Variants in CSGALNACT1 observed in about 807,000 individuals in gnomAD.
CSGALNACT1 encodes beta4GalNAcT-1.
In CSGALNACT1, 52 loss-of-function variants were observed where a neutral mutation model predicts 51.0. That is an observed-to-expected ratio of 1.02 (90% confidence interval 0.82 to 1.29). CSGALNACT1 has a LOEUF of 1.29. CSGALNACT1 is among the 50% of genes most tolerant of loss of function. CSGALNACT1 has a pLI of 0.00. For synonymous variants in CSGALNACT1, 341 were observed against 254.4 expected (o/e 1.34, Z -3.24); for missense variants, 935 against 679.2 (o/e 1.38, Z -4.19).
At chr8:19,487,114 T>G (rs76887039) in intron 4 of CSGALNACT1, among the ~76,000 whole-genome samples, 19,838 of 152,224 alleles carry the variant, frequency 0.13, 1,341 homozygotes, top group Middle Eastern at 0.21. Context: ...ATTGCCTCAA[T>G]TTTTTCTCAA....
Position 19,513,625 on chromosome 8 carries a change from A to G in CSGALNACT1, c.-296-7495T>C, listed in dbSNP as rs910215711. On this transcript the variant is annotated intron_variant, in intron 3 of 9. Coordinates refer to ENST00000454498, the Ensembl canonical transcript of CSGALNACT1. The stretch of plus-strand genomic sequence containing the variant: ...GAAAGAAAAATGTTCTGAGAGATGC[A>G]TCATCAGGCAATTTTGTTGTTGTGT... Among the ~76,000 whole-genome samples the G allele has an allele frequency of 2.6e-5, 4 of 151,964 alleles. No individual in the cohort carries two copies. The South Asian group carries it at 6.2e-4, about 24-fold the overall frequency.
intron 1 of CSGALNACT1, among the ~76,000 whole-genome samples, chr8:19,694,730 AG>A (rs2061501187): frequency 6.6e-6 from 1 of 152,244 alleles, no homozygotes; most frequent in Admixed American, 6.5e-5. Flanking sequence ...GCCCTTCTTT[AG>A]TTGCTCAGCT....
At chr8:19,548,916 T>C (rs2087191630) in intron 3 of CSGALNACT1, among the ~76,000 whole-genome samples, 1 of 152,180 alleles carries the variant, frequency 6.6e-6, no homozygotes, top group South Asian at 2.1e-4. Flanking sequence ...CCTCCCAGGC[T>C]CAAACGATCC....
chr8:19,746,057 G>A (rs1426679660), intron 1 of CSGALNACT1, among the ~76,000 whole-genome samples: 1 of 152,080 alleles, frequency 6.6e-6, no homozygotes, highest in Non-Finnish European at 1.5e-5. Flanking sequence ...TTGGTTTTCT[G>A]AGAAAGGAAC....
chr8:19,625,437 A>G (rs1048879963), intron 1 of CSGALNACT1, among the ~76,000 whole-genome samples: 4 of 152,228 alleles, frequency 2.6e-5, no homozygotes, highest in Admixed American at 1.3e-4. Context: ...TTAAAAAGTC[A>G]GGAGTTGACT....
chr8:19,474,522 T>G (rs973862729), intron 4 of CSGALNACT1, among the ~76,000 whole-genome samples: 5 of 152,124 alleles, frequency 3.3e-5, no homozygotes, highest in Admixed American at 3.3e-4. Context: ...TGGAGAGATA[T>G]GCTTCGGCTG....
chr8:19,405,758 C>T, exon 10 of CSGALNACT1: 1 of 1,614,022 alleles, frequency 6.2e-7, no homozygotes, highest in Non-Finnish European at 8.5e-7. Flanking sequence ...AAAAGTGTCT[C>T]CCACAATCCT....
intron 1 of CSGALNACT1, among the ~76,000 whole-genome samples, chr8:19,645,551 T>A (rs536692666): frequency 3.3e-5 from 5 of 152,182 alleles, no homozygotes; most frequent in Admixed American, 6.5e-5. Context: ...CAAACACAGA[T>A]AACAAGGAAC....
chr8:19,655,176 A>T (rs1326806446), intron 1 of CSGALNACT1, among the ~76,000 whole-genome samples: 1 of 152,128 alleles, frequency 6.6e-6, no homozygotes, highest in Non-Finnish European at 1.5e-5. Flanking sequence ...TCTGTAGAAG[A>T]CATCTCTGAC....
chr8:19,530,334 ACACACG>A (rs1304275738), intron 3 of CSGALNACT1, among the ~76,000 whole-genome samples: 40 of 150,298 alleles, frequency 2.7e-4, no homozygotes, highest in South Asian at 1.3e-3. Flanking sequence ...ACACACACAC[ACACACG>A]CACACAAGTA....
At position 19,505,967 on chromosome 8, in the gene CSGALNACT1, T is replaced by C; in HGVS notation, c.-133A>G. 1.0e-6 allele frequency: 1 copy of C among 990,422 alleles called. No individual in the cohort carries two copies. Among genetic ancestry groups the C allele is most frequent in the Non-Finnish European group, 1.5e-6 (1 of 647,240 alleles). 61.4% of individuals were successfully genotyped at this position (990,422 alleles called of 1,614,324 possible). A position where few individuals can be genotyped will look rare whatever the true frequency, so the allele number is the denominator to read the frequency against. ...GGAGCTGCTTGCATCCATTTCCTTCTAGAACGAGTTCTGCCTCTTGGAGTT... is the reference window on the plus strand; with the variant it reads ...GGAGCTGCTTGCATCCATTTCCTTCCAGAACGAGTTCTGCCTCTTGGAGTT... On this transcript the variant is annotated 5_prime_UTR_variant, in exon 4 of 10. An upstream open reading frame in the 5' UTR loses its in-frame stop. Coordinates refer to ENST00000454498, the Ensembl canonical transcript of CSGALNACT1.
intron 3 of CSGALNACT1, among the ~76,000 whole-genome samples, chr8:19,541,401 C>A (rs2085094242): frequency 6.6e-6 from 1 of 151,498 alleles, no homozygotes; most frequent in Non-Finnish European, 1.5e-5. Context: ...CAGGCACTTG[C>A]CACCACACCC....
chr8:19,513,327 A>G lies in CSGALNACT1; in HGVS notation c.-296-7197T>C, dbSNP rs1478148334. On this transcript the variant is annotated intron_variant, in intron 3 of 9. Coordinates refer to ENST00000454498, the Ensembl canonical transcript of CSGALNACT1. ...AATACCGCAAAATGTAACGGAAGAC[A>G]CACGAAAGCCACTATAATGATTGAA... is the stretch of plus-strand genomic sequence containing the variant. 4.6e-5 allele frequency among the ~76,000 whole-genome samples: 7 copies of G among 151,714 alleles called. No homozygotes were observed. In the South Asian group the frequency reaches 1.5e-3, roughly 32 times the overall value.
chr8:19,619,639 T>TA (rs766771169), intron 1 of CSGALNACT1, among the ~76,000 whole-genome samples: 29 of 152,130 alleles, frequency 1.9e-4, no homozygotes, highest in Non-Finnish European at 3.2e-4. Flanking sequence ...TCACATAGGG[T>TA]AAGGAAGACG....
intron 1 of CSGALNACT1, among the ~76,000 whole-genome samples, chr8:19,693,620 T>A (rs2061440674): frequency 6.6e-6 from 1 of 152,162 alleles, no homozygotes; most frequent in South Asian, 2.1e-4. Flanking sequence ...TCTCTGGACC[T>A]GTCTACAGGG....
At chr8:19,485,916 G>A (rs868160736) in intron 4 of CSGALNACT1, among the ~76,000 whole-genome samples, 9 of 151,326 alleles carry the variant, frequency 5.9e-5, no homozygotes, top group Non-Finnish European at 1.0e-4. Context: ...ACAGGCACAC[G>A]CCACCACATC....
chr8:19,626,128 G>C (rs950412603), intron 1 of CSGALNACT1, among the ~76,000 whole-genome samples: 2 of 152,060 alleles, frequency 1.3e-5, no homozygotes, highest in African/African-American at 4.8e-5. Flanking sequence ...TTTTGAAAAA[G>C]AAGAATAAAG....
rs1002714977 is a variant in CSGALNACT1 at position 19,734,805 on chromosome 8, G to A, written c.-297+23045C>T. On this transcript the variant is annotated intron_variant, in intron 1 of 1. Transcript: ENST00000517494. ...ATAAAGTTACTGAATGTCAAAACAC[G>A]CACATAATATATACATATATGTGTA... Among the ~76,000 whole-genome samples the A allele has an allele frequency of 7.2e-5, 11 of 151,912 alleles. 1 individual carries two copies. The highest frequency in any genetic ancestry group is 6.2e-4 in the South Asian group (3 of 4,812).
chr8:19,548,582 T>A (rs998556096), intron 3 of CSGALNACT1, among the ~76,000 whole-genome samples: 1 of 152,214 alleles, frequency 6.6e-6, no homozygotes, highest in Non-Finnish European at 1.5e-5. Flanking sequence ...AAACATTTTG[T>A]GAAATATGTT....
Sources: gnomAD v4.1 joint callset for allele counts (sites outside exome capture counted in the v4.1 genomes callset) on GRCh38, gnomAD v4.1.1 for gene constraint, MANE v1.5 for transcripts, NCBI Gene and HGNC (gene_info 2026-07-23, HGNC 2026-07-21) for gene names.